The following SYT9 variants were observed in gnomAD, a reference collection of about 807,000 sequenced individuals.
The protein encoded by SYT9 is synaptotagmin-9.
A neutral mutation model predicts 48.4 loss-of-function variants in SYT9; 22 were observed. The ratio of observed to expected loss-of-function variants is 0.45; its 90% confidence interval spans 0.32 to 0.65. SYT9 has a LOEUF of 0.65. Among genes scored for constraint, SYT9 ranks in the 30% least tolerant of loss-of-function variants. SYT9 has a pLI of 0.03. For missense variants in SYT9, 577 were observed against 622.0 expected, an observed-to-expected ratio of 0.93 and a Z score of 0.77; for synonymous variants, 265 against 245.0, an observed-to-expected ratio of 1.08 and a Z score of -0.76.
chr11:7,378,551 G>A (rs1365007480), intron 3 of SYT9, among the ~76,000 whole-genome samples: 3 of 151,852 alleles, frequency 2.0e-5, no homozygotes, highest in African/African-American at 7.3e-5. Context: ...AATTGTGATG[G>A]AGGAACAGTT....
chr11:7,284,530 A>T (rs1208106210), intron 1 of SYT9, among the ~76,000 whole-genome samples: 5 of 152,014 alleles, frequency 3.3e-5, no homozygotes, highest in Admixed American at 1.3e-4. Context: ...TTAGTATATT[A>T]AAGGGATTGT....
intron 1 of SYT9, among the ~76,000 whole-genome samples, chr11:7,256,763 C>T (rs1847979061): frequency 6.6e-6 from 1 of 152,144 alleles, no homozygotes; most frequent in Non-Finnish European, 1.5e-5. Context: ...CATTCATGTT[C>T]CAACTCCATA....
At chr11:7,316,509 T>C (rs530258045) in intron 3 of SYT9, among the ~76,000 whole-genome samples, 8 of 152,180 alleles carry the variant, frequency 5.3e-5, no homozygotes, top group Non-Finnish European at 1.2e-4. Context: ...TAATATTCCA[T>C]TGTATTAATA....
intron 3 of SYT9, among the ~76,000 whole-genome samples, chr11:7,391,759 A>ACC (rs1564887266): frequency 7.0e-6 from 1 of 142,928 alleles, no homozygotes; most frequent in African/African-American, 2.6e-5. Context: ...AAAAAAAAAA[A>ACC]AAAAAACCTA....
At position 7,466,906 on chromosome 11, in the gene SYT9, C is replaced by G. The variant is rs1848347950; in HGVS notation, c.*106C>G. 1.0e-5 allele frequency: 14 copies of G among 1,389,378 alleles called. No individual in the cohort carries two copies. Among genetic ancestry groups the G allele is most frequent in the Non-Finnish European group, 1.4e-5 (14 of 989,972 alleles). 86.1% of individuals were successfully genotyped at this position (1,389,378 alleles called of 1,614,324 possible). A position where few individuals can be genotyped will look rare whatever the true frequency, so the allele number is the denominator to read the frequency against. On this transcript the variant is annotated 3_prime_UTR_variant, in exon 7 of 7. Transcript: ENST00000318881. ...AGCAACATCCAGACGATTTCAGTGA[C>G]CAAATGCTCAGCTGTAACCACAGCA...
intron 1 of SYT9, among the ~76,000 whole-genome samples, chr11:7,264,414 G>A (rs1848136560): frequency 6.6e-6 from 1 of 152,072 alleles, no homozygotes; most frequent in Non-Finnish European, 1.5e-5. Context: ...TTGTGTTTAA[G>A]CCGGGGTTGT....
chr11:7,312,749 T>C lies in SYT9; in HGVS notation c.498-646T>C, dbSNP rs563608246. Reference sequence around the variant, plus strand: ...TCAGAAATAAAACCTGTCCTCTTGATCACTAATCACCCATGTGTACAGCAA... The same window carrying C: ...TCAGAAATAAAACCTGTCCTCTTGACCACTAATCACCCATGTGTACAGCAA... On this transcript the variant is annotated intron_variant, in intron 2 of 6. Transcript: ENST00000318881. Among the ~76,000 whole-genome samples, 9 of 152,322 alleles carry C rather than the reference T, an allele frequency of 5.9e-5. No individual in the cohort carries two copies. The South Asian group carries it at 1.9e-3, about 32-fold the overall frequency.
intron 1 of SYT9, among the ~76,000 whole-genome samples, chr11:7,286,921 C>A (rs569611771): frequency 6.6e-6 from 1 of 152,358 alleles, no homozygotes; most frequent in African/African-American, 2.4e-5. Context: ...AACTTTCCCA[C>A]ATCTTCCTGT....
intron 3 of SYT9, among the ~76,000 whole-genome samples, chr11:7,337,593 A>G (rs1849650518): frequency 6.6e-6 from 1 of 152,166 alleles, no homozygotes; most frequent in Non-Finnish European, 1.5e-5. Context: ...AATTTTATCA[A>G]AAGCCTTTTC....
chr11:7,273,110 C>T (rs1287585628), intron 1 of SYT9, among the ~76,000 whole-genome samples: 2 of 151,986 alleles, frequency 1.3e-5, no homozygotes, highest in Admixed American at 1.3e-4. Flanking sequence ...TAAAGGAAAT[C>T]TAAGGTTTCT....
intron 3 of SYT9, chr11:7,314,461 C>A: frequency 9.0e-6 from 2 of 222,194 alleles, no homozygotes; most frequent in Non-Finnish European, 1.9e-5. Flanking sequence ...ATGTAAAACT[C>A]ACAAAATCCA....
At chr11:7,424,905 C>A (rs970261601) in intron 6 of SYT9, among the ~76,000 whole-genome samples, 35 of 152,170 alleles carry the variant, frequency 2.3e-4, no homozygotes, top group Non-Finnish European at 4.6e-4. Context: ...TACATAATGC[C>A]AAGTATAACC....
At chr11:7,417,751 T>G (rs929171456) in intron 4 of SYT9, among the ~76,000 whole-genome samples, 12 of 152,318 alleles carry the variant, frequency 7.9e-5, no homozygotes, top group East Asian at 1.9e-4. Flanking sequence ...GGAGACAGTA[T>G]CCTGTGCTTT....
chr11:7,326,298 A>T (rs1440974303), intron 3 of SYT9, among the ~76,000 whole-genome samples: 1 of 58,362 alleles, frequency 1.7e-5, no homozygotes, highest in African/African-American at 7.0e-5. Flanking sequence ...AGCTCCTGTT[A>T]TTGGTCTATT....
At chr11:7,430,275 A>C (rs1449289512) in intron 6 of SYT9, among the ~76,000 whole-genome samples, 1 of 152,346 alleles carries the variant, frequency 6.6e-6, no homozygotes, top group East Asian at 1.9e-4. Context: ...TTGATAATCA[A>C]AATGCTTGAA....
In SYT9 at chr11:7,348,853, A is replaced by G. The variant is rs965799656; in HGVS notation, c.1044+34912A>G. Among the ~76,000 whole-genome samples the G allele has an allele frequency of 7.3e-5, 11 of 151,432 alleles. No homozygotes were observed. In the Middle Eastern group the frequency reaches 0.01, roughly 140 times the overall value. On this transcript the variant is annotated intron_variant, in intron 3 of 6. Transcript: ENST00000318881. ...CCCGTATCCTGTCTCTGCTCTGTGT[A>G]TTTCTCCATTCTAGCAGTTACAGAA...
At chr11:7,352,150 T>C (rs1418564104) in intron 3 of SYT9, among the ~76,000 whole-genome samples, 6 of 152,174 alleles carry the variant, frequency 3.9e-5, no homozygotes, top group African/African-American at 1.4e-4. Flanking sequence ...GCTGTGAGAA[T>C]TTACCCAGTG....
At chr11:7,427,158 T>G (rs1174468642) in intron 6 of SYT9, 1 of 152,170 alleles carries the variant, frequency 6.6e-6, no homozygotes, top group Non-Finnish European at 1.5e-5. Context: ...GTTCTAAAGT[T>G]CCAGAATTCC....
Position 7,466,857 on chromosome 11 carries a change from GATCTT to G in SYT9, c.*59_*63del. ...CAAAATAGGACAACCATCTCACAAA[GATCTT>G]AAGTAACTTTTTCCATCCAGCAACA... On this transcript the variant is annotated 3_prime_UTR_variant, in exon 7 of 7. Transcript: ENST00000318881. 6.3e-7 allele frequency: 1 copy of G among 1,599,670 alleles called. No individual in the cohort carries two copies.
Sources: allele counts gnomAD v4.1 joint callset (sites outside exome capture counted in the v4.1 genomes callset), GRCh38; gene constraint gnomAD v4.1.1; transcripts MANE v1.5; gene names NCBI Gene and HGNC (gene_info 2026-07-23, HGNC 2026-07-21).